Variants in CTTN observed in about 807,000 individuals in gnomAD.
CTTN encodes the protein src substrate cortactin.
Under a neutral mutation model 84.0 loss-of-function variants are expected in CTTN, and 28 were observed. That is an observed-to-expected ratio of 0.33 (90% CI 0.25 to 0.46). The LOEUF (loss-of-function observed/expected upper bound fraction) is 0.46, where lower values mean the gene tolerates loss of function less well. Ranked by LOEUF, CTTN falls within the 20% of genes least tolerant of loss-of-function variation. The probability of loss-of-function intolerance (pLI) is 1.00; values close to 1 mark genes in which losing one functional copy is unlikely to be tolerated. For synonymous variants in CTTN, 301 were observed against 288.8 expected (o/e 1.04, Z -0.43); for missense variants, 641 against 723.8 (o/e 0.89, Z 1.31).
chr11:70,431,142 T>C, intron 14 of CTTN, 49 bp from the exon 15 acceptor site: 1 of 1,563,622 alleles, frequency 6.4e-7, no homozygotes, highest in Non-Finnish European at 8.8e-7. Flanking sequence ...GGCGTGACAG[T>C]GCAGAGTGTC....
In CTTN at chr11:70,412,005, C is replaced by G. The variant is rs148986006; in HGVS notation, c.291+2045C>G. Among the ~76,000 whole-genome samples the G allele has an allele frequency of 3.3e-5, 5 of 152,238 alleles. No homozygotes were observed. In the East Asian group the frequency reaches 5.8e-4, roughly 18 times the overall value. Reference sequence around the variant, plus strand: ...TGGAGCCTTGCTCTCACCTCTCAGCCGGCAAGTTGGAGAGCTGTCCTAGCA... The same window carrying G: ...TGGAGCCTTGCTCTCACCTCTCAGCGGGCAAGTTGGAGAGCTGTCCTAGCA... On this transcript the variant is annotated intron_variant, in intron 5 of 17. Transcript: ENST00000301843.
intron 1 of CTTN, among the ~76,000 whole-genome samples, chr11:70,402,665 G>T (rs1018609031): frequency 6.6e-6 from 1 of 152,198 alleles, no homozygotes; most frequent in South Asian, 2.1e-4. Context: ...GTCACTGCTG[G>T]ATCCTCTTTG....
chr11:70,436,492 T>G lies in CTTN; in HGVS notation c.*1330T>G. On this transcript the variant is annotated 3_prime_UTR_variant, in exon 18 of 18. Coordinates refer to ENST00000301843, the MANE Select transcript of CTTN (RefSeq NM_005231.4). ...AATGAGGTCGGGTTTTATATGCAAC[T>G]TATTGTATCTGAATTCCTGTAGCAC... is the stretch of plus-strand genomic sequence containing the variant. 1 of 1,157,236 alleles carries G rather than the reference T, an allele frequency of 8.6e-7. No individual in the cohort carries two copies. The highest frequency in any genetic ancestry group is 1.4e-5 in the South Asian group (1 of 74,048). The allele number at this position is 1,157,236 out of a possible 1,614,324, so 71.7% of individuals were successfully genotyped here.
intron 5 of CTTN, among the ~76,000 whole-genome samples, chr11:70,412,005 C>T (rs148986006): frequency 1.3e-3 from 201 of 152,238 alleles, no homozygotes; most frequent in African/African-American, 4.6e-3. Context: ...ACCTCTCAGC[C>T]GGCAAGTTGG....
chr11:70,436,200 G>T lies in CTTN; in HGVS notation c.*1038G>T. 1.9e-6 allele frequency: 3 copies of T among 1,553,140 alleles called. No homozygotes were observed. The highest frequency in any genetic ancestry group is 2.6e-6 in the Non-Finnish European group (3 of 1,157,834). On this transcript the variant is annotated 3_prime_UTR_variant, in exon 18 of 18. Transcript: ENST00000301843. ...TTGAAGGCTAGAAGTGTGAAGTGCA[G>T]ATGAGTGTGTGTTCTTCCCCAAGGT...
chr11:70,407,667 T>C (rs1372225127), intron 4 of CTTN, 76 bp downstream of exon 4: 2 of 1,380,338 alleles, frequency 1.4e-6, no homozygotes, highest in Non-Finnish European at 2.0e-6. Context: ...CCCATGGTCA[T>C]CTGTGGAGGG....
chr11:70,415,892 C>T (rs1470148328), intron 7 of CTTN, 175 bp downstream of exon 7: 2 of 644,422 alleles, frequency 3.1e-6, no homozygotes, highest in African/African-American at 3.7e-5. Context: ...CCCTCCTCTT[C>T]ATGTTTCTGG....
At chr11:70,416,935 A>T in intron 7 of CTTN, 78 bp from the exon 8 acceptor site, 1 of 993,574 alleles carries the variant, frequency 1.0e-6, no homozygotes, top group Admixed American at 1.7e-5. Flanking sequence ...ACCCCTACAC[A>T]CTTTTGCTTA....
intron 14 of CTTN, 117 bp from the exon 15 acceptor site, chr11:70,431,074 T>C (rs1239000563): frequency 2.8e-6 from 3 of 1,059,260 alleles, no homozygotes; most frequent in Non-Finnish European, 4.3e-6. Flanking sequence ...GTGGGTGTTT[T>C]CCACTCCTTT....
chr11:70,414,344 C>CAA (rs369759667), intron 5 of CTTN, among the ~76,000 whole-genome samples, 198 bp from the exon 6 acceptor site: 1 of 135,312 alleles, frequency 7.4e-6, no homozygotes, highest in African/African-American at 2.7e-5. Context: ...GACTCTGTCT[C>CAA]AAAAAAAAAA....
chr11:70,410,068 A>G (rs2058082123), intron 5 of CTTN, 108 bp downstream of exon 5: 4 of 1,245,462 alleles, frequency 3.2e-6, no homozygotes, highest in Non-Finnish European at 4.6e-6. Context: ...TTTTGAGTCC[A>G]TCTGCTGAGG....
rs2058414312 is a variant in CTTN at position 70,436,047 on chromosome 11, A to T, written c.*885A>T. ...GGCGGTGTGTGTGCCATGTCACAGC[A>T]TGGCCTCTCGGCCTTGGGAAGGAAG... On this transcript the variant is annotated 3_prime_UTR_variant, in exon 18 of 18. Transcript: ENST00000301843. The T allele has an allele frequency of 1.4e-6, 2 of 1,423,956 alleles. No individual in the cohort carries two copies. The highest frequency in any genetic ancestry group is 1.5e-5 in the South Asian group (1 of 65,500). 88.2% of individuals were successfully genotyped at this position (1,423,956 alleles called of 1,614,324 possible).
At chr11:70,413,164 G>A (rs1042707733) in intron 5 of CTTN, among the ~76,000 whole-genome samples, 5 of 152,238 alleles carry the variant, frequency 3.3e-5, no homozygotes, top group African/African-American at 1.2e-4. Flanking sequence ...TTTCAATAGG[G>A]GAAATAGTGG....
intron 10 of CTTN, 84 bp downstream of exon 10, chr11:70,420,594 G>A: frequency 2.1e-6 from 2 of 941,694 alleles, no homozygotes; most frequent in African/African-American, 3.2e-5. Flanking sequence ...TGTTGTGTCT[G>A]CGTGTGCCTG....
intron 4 of CTTN, among the ~76,000 whole-genome samples, chr11:70,409,094 C>T (rs1591433501): frequency 6.6e-6 from 1 of 152,090 alleles, no homozygotes; most frequent in Admixed American, 6.5e-5. Context: ...TTCTCCTGCT[C>T]ATAAGGGTAT....
chr11:70,413,550 C>T (rs182343666), intron 5 of CTTN, among the ~76,000 whole-genome samples: 1 of 152,240 alleles, frequency 6.6e-6, no homozygotes, highest in Admixed American at 6.5e-5. Context: ...TGGCTGTGTC[C>T]CAGAGGCGTT....
At chr11:70,410,001 C>T in intron 5 of CTTN, 41 bp downstream of exon 5, 1 of 1,610,622 alleles carries the variant, frequency 6.2e-7, no homozygotes, top group Non-Finnish European at 8.5e-7. Context: ...TCCTGGTGTG[C>T]TTGGACCACT....
At position 70,407,675 on chromosome 11, in the gene CTTN, G is replaced by A. The variant is rs760640680; in HGVS notation, c.161+84G>A. The A allele has an allele frequency of 3.3e-4, 428 of 1,278,072 alleles. 1 individual carries two copies. The highest frequency in any genetic ancestry group is 4.3e-4 in the Non-Finnish European group (386 of 900,140). The allele number at this position is 1,278,072 out of a possible 1,614,324, so 79.2% of individuals were successfully genotyped here. On this transcript the variant is annotated intron_variant, in intron 4 of 17. Coordinates refer to ENST00000301843, the MANE Select transcript of CTTN (RefSeq NM_005231.4). ...AACAGGGCCCATGGTCATCTGTGGA[G>A]GGACAGCCCGTGTGGAAACTGCATT...
chr11:70,433,778 T>G, intron 17 of CTTN, 60 bp downstream of exon 17: 1 of 1,055,474 alleles, frequency 9.5e-7, no homozygotes, highest in Non-Finnish European at 1.5e-6. Context: ...TGCCTCTGCT[T>G]GTTTTCTGAG....
Sources: allele counts gnomAD v4.1 joint callset (sites outside exome capture counted in the v4.1 genomes callset), GRCh38; gene constraint gnomAD v4.1.1; transcripts MANE v1.5; gene names NCBI Gene and HGNC (gene_info 2026-07-23, HGNC 2026-07-21).